The following GNG12 variants were observed in gnomAD, a reference collection of about 807,000 sequenced individuals.
GNG12 encodes guanine nucleotide-binding protein G(I)/G(S)/G(O) subunit gamma-12.
For synonymous variants in GNG12, 28 were observed against 29.7 expected, an observed-to-expected ratio of 0.94 and a Z score of 0.19; for missense variants, 69 against 83.8, an observed-to-expected ratio of 0.82 and a Z score of 0.69.
At chr1:67,825,703 T>A (rs553760681) in intron 1 of GNG12, among the ~76,000 whole-genome samples, 3 of 152,308 alleles carry the variant, frequency 2.0e-5, no homozygotes, top group Admixed American at 2.0e-4. Flanking sequence ...GTTACTTGCA[T>A]CCTGTCCCCA....
intron 2 of GNG12, among the ~76,000 whole-genome samples, chr1:67,711,790 C>T (rs747781726): frequency 6.6e-6 from 1 of 152,160 alleles, no homozygotes; most frequent in South Asian, 2.1e-4. Flanking sequence ...AATCAGCACA[C>T]CAAAGTGTTA....
At chr1:67,760,913 G>A (rs557283653) in intron 2 of GNG12, among the ~76,000 whole-genome samples, 70 of 152,288 alleles carry the variant, frequency 4.6e-4, no homozygotes, top group African/African-American at 1.6e-3. Context: ...ACACCAACTC[G>A]CTTCATCCTT....
At chr1:67,717,513 C>CAAA (rs1205936941) in intron 2 of GNG12, among the ~76,000 whole-genome samples, 4 of 104,252 alleles carry the variant, frequency 3.8e-5, no homozygotes, top group East Asian at 5.8e-4. Flanking sequence ...GAGACTCTGT[C>CAAA]AAAAAAAAAA....
chr1:67,714,219 T>C (rs1269888431), intron 2 of GNG12, among the ~76,000 whole-genome samples: 1 of 152,262 alleles, frequency 6.6e-6, no homozygotes, highest in African/African-American at 2.4e-5. Flanking sequence ...GGGCTGGATC[T>C]GAGCAGCAGC....
intron 1 of GNG12, chr1:67,832,520 G>C (rs761734775): frequency 6.6e-6 from 1 of 151,946 alleles, no homozygotes; most frequent in Non-Finnish European, 1.5e-5. Context: ...AAGTGACAGC[G>C]TTTTAAAGTT....
intron 1 of GNG12, among the ~76,000 whole-genome samples, chr1:67,805,512 A>T (rs1006660821): frequency 2.0e-5 from 3 of 152,212 alleles, no homozygotes; most frequent in Non-Finnish European, 2.9e-5. Context: ...AAAAGACAGA[A>T]ATAAAGAATG....
chr1:67,760,579 G>A (rs1646597249), intron 2 of GNG12, among the ~76,000 whole-genome samples: 1 of 152,128 alleles, frequency 6.6e-6, no homozygotes, highest in South Asian at 2.1e-4. Context: ...AGAAACCAAG[G>A]CACAGAGAAA....
intron 1 of GNG12, among the ~76,000 whole-genome samples, chr1:67,801,936 G>T (rs189367016): frequency 6.7e-6 from 1 of 148,576 alleles, no homozygotes; most frequent in Non-Finnish European, 1.5e-5. Context: ...AGGGAAGGGG[G>T]AAGGAAAAAA....
At chr1:67,729,601 G>A (rs528639432) in intron 2 of GNG12, among the ~76,000 whole-genome samples, 24 of 152,158 alleles carry the variant, frequency 1.6e-4, no homozygotes, top group Non-Finnish European at 3.4e-4. Flanking sequence ...TGATGGCAAT[G>A]GCCTTGGTTT....
chr1:67,772,225 C>T (rs1174618791), intron 2 of GNG12, among the ~76,000 whole-genome samples: 1 of 152,164 alleles, frequency 6.6e-6, no homozygotes, highest in Non-Finnish European at 1.5e-5. Context: ...CTGTTGAAGT[C>T]TATTCATAGT....
chr1:67,762,904 G>A (rs531936055), intron 2 of GNG12, among the ~76,000 whole-genome samples: 72 of 152,166 alleles, frequency 4.7e-4, no homozygotes, highest in African/African-American at 1.7e-3. Context: ...ATACTCTGCT[G>A]CACAACTTTA....
chr1:67,779,234 C>T (rs1475391340), intron 1 of GNG12, among the ~76,000 whole-genome samples: 2 of 152,168 alleles, frequency 1.3e-5, no homozygotes, highest in South Asian at 2.1e-4. Context: ...TATTAATCCA[C>T]AGGCCGCAAA....
Position 67,705,283 on chromosome 1 carries a change from A to T in GNG12, c.*168T>A. ...GTATTAAATCAGTAAAGGGTATTTT[A>T]AGAGAAAGGACAACTTGGAAAATAG... On this transcript the variant is annotated 3_prime_UTR_variant, in exon 4 of 4. Coordinates refer to ENST00000370982, the MANE Select transcript of GNG12 (RefSeq NM_018841.6). 2 of 1,036,760 alleles carry T rather than the reference A, an allele frequency of 1.9e-6. No homozygotes were observed. Among genetic ancestry groups the T allele is most frequent in the Non-Finnish European group, 2.7e-6 (2 of 747,226 alleles). The allele number at this position is 1,036,760 out of a possible 1,614,324, so 64.2% of individuals were successfully genotyped here.
intron 2 of GNG12, among the ~76,000 whole-genome samples, chr1:67,709,462 G>A (rs1279049277): frequency 1.3e-5 from 2 of 152,228 alleles, no homozygotes; most frequent in Admixed American, 6.5e-5. Context: ...ACTAGTGACA[G>A]CCATCAGAGG....
chr1:67,727,897 G>GA (rs1430393148), intron 2 of GNG12, among the ~76,000 whole-genome samples: 1 of 152,064 alleles, frequency 6.6e-6, no homozygotes, highest in Non-Finnish European at 1.5e-5. Flanking sequence ...CAGTTAATTG[G>GA]AAAAAACAGA....
At chr1:67,751,435 G>A (rs1164299315) in intron 2 of GNG12, among the ~76,000 whole-genome samples, 1 of 152,104 alleles carries the variant, frequency 6.6e-6, no homozygotes, top group Non-Finnish European at 1.5e-5. Flanking sequence ...GGCTCAGGGG[G>A]CAGGACAGTC....
intron 2 of GNG12, among the ~76,000 whole-genome samples, chr1:67,746,406 A>G (rs652947): frequency 0.71 from 108,451 of 152,174 alleles, 38,776 homozygotes; most frequent in African/African-American, 0.76. Context: ...AGAATTAAAA[A>G]GAAAGTTACC....
chr1:67,829,342 T>A (rs1032059686), intron 1 of GNG12, among the ~76,000 whole-genome samples: 3 of 152,246 alleles, frequency 2.0e-5, no homozygotes, highest in South Asian at 4.1e-4. Context: ...AGAATTAACT[T>A]GTTTAACAAA....
chr1:67,735,992 G>A (rs985006032), intron 2 of GNG12, among the ~76,000 whole-genome samples: 2 of 152,086 alleles, frequency 1.3e-5, no homozygotes, highest in Admixed American at 1.3e-4. Context: ...AAAGAGCCAG[G>A]TGCTGACCCC....
Sources: allele counts gnomAD v4.1 joint callset (sites outside exome capture counted in the v4.1 genomes callset), GRCh38; gene constraint gnomAD v4.1.1; transcripts MANE v1.5; gene names NCBI Gene and HGNC (gene_info 2026-07-23, HGNC 2026-07-21).